The following GREB1 variants were observed in gnomAD, a reference collection of about 807,000 sequenced individuals.
GREB1 encodes the protein protein GREB1.
In GREB1, 106 loss-of-function variants were observed where a neutral mutation model predicts 200.7. The ratio of observed to expected loss-of-function variants is 0.53; its 90% confidence interval spans 0.45 to 0.62. The LOEUF is 0.62. Ranked by LOEUF, GREB1 falls within the 20% of genes least tolerant of loss-of-function variation. The pLI is 0.00. For synonymous variants in GREB1, 1,132 were observed against 1,092.4 expected (o/e 1.04, Z -0.72); for missense variants, 2,243 against 2,556.8 (o/e 0.88, Z 2.65).
chr2:11,580,150 A>AC lies in GREB1; in HGVS notation c.773-549dup, dbSNP rs1165953384. ...TCACGAGAACAGTATGGGGGAAACCACCCCCATGATTCAATTACCTCCCGC... is the reference window on the plus strand; with the variant it reads ...TCACGAGAACAGTATGGGGGAAACCACCCCCCATGATTCAATTACCTCCCGC... On this transcript the variant is annotated intron_variant, in intron 6 of 32. Transcript: ENST00000381486. This position sits in a 1 kb window ranked among gnomAD's most constrained non-coding sequence, Gnocchi z 4.5. Among the ~76,000 whole-genome samples, 6 of 151,972 alleles carry AC rather than the reference A, an allele frequency of 3.9e-5. No individual in the cohort carries two copies. Among genetic ancestry groups the AC allele is most frequent in the African/African-American group, 1.4e-4 (6 of 41,444 alleles).
intron 13 of GREB1, among the ~76,000 whole-genome samples, chr2:11,596,503 TGA>T (rs1197304590): frequency 4.5e-4 from 6 of 13,256 alleles, no homozygotes; most frequent in South Asian, 5.5e-3. Context: ...GTGTGCACAG[TGA>T]GGGGGTGGGG....
rs1375580608 is a variant in GREB1, at chr2:11,492,906, G to C, written c.-159+10525G>C. Among the ~76,000 whole-genome samples the C allele has an allele frequency of 1.3e-5, 2 of 152,180 alleles. No individual in the cohort carries two copies. Among genetic ancestry groups the C allele is most frequent in the African/African-American group, 4.8e-5 (2 of 41,440 alleles). On this transcript the variant is annotated intron_variant, in intron 1 of 2. Coordinates refer to the GREB1 transcript ENST00000628795. The surrounding 1 kb of genome is among the most constrained non-coding windows in gnomAD (Gnocchi z 4.0). ...CTGGGGGCTGGTCACAGCTGGAGCAGAGACCAGACAGGAGTAATGCAAACC... is the reference window on the plus strand; with the variant it reads ...CTGGGGGCTGGTCACAGCTGGAGCACAGACCAGACAGGAGTAATGCAAACC...
rs1558656267 is a variant in GREB1 at position 11,625,224 on chromosome 2, G to T, written c.4218G>T (p.Lys1406Asn). ...CCTGGCCAGACCTGGAGCTGTTCAAGAAGTTGCCCTTTGACTACATCATTC... is the reference window on the plus strand; with the variant it reads ...CCTGGCCAGACCTGGAGCTGTTCAATAAGTTGCCCTTTGACTACATCATTC... ...SDPWPDLELF[K>N]KLPFDYIIHD... Residue 1406 changes from lysine (K) to asparagine (N), a missense_variant, in exon 24 of 33, where the codon AAG becomes AAT. Transcript: ENST00000381486. 4.3e-6 allele frequency: 7 copies of T among 1,614,116 alleles called. No homozygotes were observed. Among genetic ancestry groups the T allele is most frequent in the Non-Finnish European group, 5.9e-6 (7 of 1,179,934 alleles).
intron 9 of GREB1, 119 bp from the exon 10 acceptor site, chr2:11,588,627 G>A (rs967616617): frequency 3.2e-6 from 3 of 927,048 alleles, no homozygotes; most frequent in African/African-American, 3.2e-5. Context: ...CAGGGCACTC[G>A]AGGGACCTGG....
At chr2:11,552,396 G>A (rs1183758072) in intron 1 of GREB1, among the ~76,000 whole-genome samples, 1 of 152,204 alleles carries the variant, frequency 6.6e-6, no homozygotes, top group Non-Finnish European at 1.5e-5. Context: ...GCCAGCCCAG[G>A]GAAAGAAGGA....
At chr2:11,576,319 A>T in intron 4 of GREB1, 34 bp from the exon 5 acceptor site, 1 of 1,551,092 alleles carries the variant, frequency 6.4e-7, no homozygotes, top group Non-Finnish European at 8.7e-7. Context: ...AAAAAAAAAA[A>T]AGAAAGATGT....
At chr2:11,638,543 G>T (rs1685564539) in intron 31 of GREB1, 128 bp from the exon 32 acceptor site, 3 of 687,404 alleles carry the variant, frequency 4.4e-6, no homozygotes, top group Non-Finnish European at 7.4e-6. Context: ...TGAAAATATT[G>T]TCTCTGGCCC....
At chr2:11,485,186 C>T (rs1672625441) in intron 1 of GREB1, among the ~76,000 whole-genome samples, 1 of 151,990 alleles carries the variant, frequency 6.6e-6, no homozygotes, top group Non-Finnish European at 1.5e-5. Flanking sequence ...TGAAGATAGC[C>T]AGTTGGACCA....
At chr2:11,611,179 C>T (rs1374532160) in intron 18 of GREB1, 152 bp downstream of exon 18, 1 of 649,048 alleles carries the variant, frequency 1.5e-6, no homozygotes, top group East Asian at 2.7e-5. Context: ...TCTGTGCTTC[C>T]CCACCTCTGC....
At chr2:11,589,896 A>G (rs1351826443) in intron 10 of GREB1, among the ~76,000 whole-genome samples, 1 of 152,172 alleles carries the variant, frequency 6.6e-6, no homozygotes, top group African/African-American at 2.4e-5. Flanking sequence ...AGTTTGTACA[A>G]GATGCCCACG....
Position 11,576,490 on chromosome 2 carries a change from C to G in GREB1, c.592C>G (p.Gln198Glu), listed in dbSNP as rs745910240. 3 of 1,613,874 alleles carry G rather than the reference C, an allele frequency of 1.9e-6. No individual in the cohort carries two copies. The highest frequency in any genetic ancestry group is 2.5e-6 in the Non-Finnish European group (3 of 1,179,944). ...GAAGTATTACCTGGTCCGTAATGCA[C>G]AAGGGACTCTAACCAAAGGACCTTT... ...HLKYYLVRNA[Q>E]GTLTKGPLIC... The change falls in exon 5 of 33, where the codon CAA becomes GAA. Residue 198 changes from glutamine to glutamate, a missense_variant. By Grantham distance (29) the Gln-to-Glu change is conservative. Around this residue, in one of 3 missense-constraint regions of GREB1, gnomAD observed 1,178 missense variants for 1,387.4 expected, o/e 0.85. Coordinates refer to ENST00000381486, the MANE Select transcript of GREB1 (RefSeq NM_014668.4).
Position 11,629,024 on chromosome 2 carries a change from A to G in GREB1, c.4450-924A>G, listed in dbSNP as rs568713401. Among the ~76,000 whole-genome samples, 8 of 152,176 alleles carry G rather than the reference A, an allele frequency of 5.3e-5. No individual in the cohort carries two copies. The South Asian group carries it at 1.7e-3, about 32-fold the overall frequency. ...TCCCAAGGCTCCCTTGACCTTTTTT[A>G]TGAAACTGCCTCAGTGTGTCCTCCT... On this transcript the variant is annotated intron_variant, in intron 25 of 32. Transcript: ENST00000381486. The surrounding 1 kb of genome is among the most constrained non-coding windows in gnomAD (Gnocchi z 5.2).
At chr2:11,500,741 C>T (rs1028658961) in intron 1 of GREB1, among the ~76,000 whole-genome samples, 20 of 152,282 alleles carry the variant, frequency 1.3e-4, no homozygotes, top group African/African-American at 4.6e-4. Flanking sequence ...GTTGGGAAAG[C>T]GGAACCACAG....
intron 1 of GREB1, among the ~76,000 whole-genome samples, chr2:11,503,188 G>C (rs1673094069): frequency 6.6e-6 from 1 of 152,178 alleles, no homozygotes; most frequent in Non-Finnish European, 1.5e-5. Context: ...ATGAGGGGAA[G>C]TCCCCTTTTC....
At chr2:11,637,646 A>T (rs765504213) in intron 30 of GREB1, 70 bp from the exon 31 acceptor site, 447 of 1,442,892 alleles carry the variant, frequency 3.1e-4, no homozygotes, top group Non-Finnish European at 4.2e-4. Context: ...CCACCCTTGC[A>T]GCCCGGAAGC....
intron 13 of GREB1, among the ~76,000 whole-genome samples, chr2:11,596,707 A>G: frequency 1.3e-5 from 1 of 78,708 alleles, no homozygotes; most frequent in African/African-American, 5.1e-5. Flanking sequence ...ACAGGTGTGT[A>G]CAGTGAGAGA....
chr2:11,495,581 C>G (rs1672862297), intron 1 of GREB1, among the ~76,000 whole-genome samples: 1 of 151,972 alleles, frequency 6.6e-6, no homozygotes, highest in Admixed American at 6.6e-5. Context: ...TCACTCAATC[C>G]TCATGACAAC....
At chr2:11,533,270 A>G (rs1441283872), upstream of GREB1, among the ~76,000 whole-genome samples, 1 of 152,222 alleles carries the variant, frequency 6.6e-6, no homozygotes, top group Non-Finnish European at 1.5e-5. Context: ...TATGTTTATG[A>G]TCAGCAAAGA....
At chr2:11,518,901 A>G (rs1673607380) in intron 1 of GREB1, among the ~76,000 whole-genome samples, 1 of 151,114 alleles carries the variant, frequency 6.6e-6, no homozygotes, top group Admixed American at 6.6e-5. Context: ...GACTGAGACC[A>G]TCTTGGCTAA....
Sources: gnomAD v4.1 joint callset for allele counts (sites outside exome capture counted in the v4.1 genomes callset) on GRCh38, gnomAD v4.1.1 for gene constraint, gnomAD v4.1.1 regional missense constraint, Gnocchi (gnomAD v3.1) non-coding constraint, MANE v1.5 for transcripts, NCBI Gene and HGNC (gene_info 2026-07-23, HGNC 2026-07-21) for gene names.